The following ERI1 variants were observed in gnomAD, a reference collection of about 807,000 sequenced individuals.
The protein encoded by ERI1 is exoribonuclease 1.
ERI1 carries 39 observed loss-of-function variants against 39.7 expected under a neutral mutation model. That is an observed-to-expected ratio of 0.98 (90% CI 0.76 to 1.28). The LOEUF is 1.28. Ranked by LOEUF, ERI1 falls within the 50% of genes most tolerant of loss-of-function variation. ERI1 has a pLI of 0.00. For missense variants in ERI1, 581 were observed against 416.9 expected (o/e 1.39, Z -3.43); for synonymous variants, 204 against 149.6 (o/e 1.36, Z -2.65).
chr8:9,096,530 A>T (rs1478978706), intron 3 of ERI1, among the ~76,000 whole-genome samples: 1 of 152,098 alleles, frequency 6.6e-6, no homozygotes, highest in Non-Finnish European at 1.5e-5. Context: ...GGACTGTGAA[A>T]GGGCTCACTG....
At chr8:9,053,601 A>G (rs1798423431) in intron 3 of ERI1, among the ~76,000 whole-genome samples, 1 of 152,232 alleles carries the variant, frequency 6.6e-6, no homozygotes, top group African/African-American at 2.4e-5. Context: ...TAGTCTGTTA[A>G]TGAACCTGAA....
intron 6 of ERI1, among the ~76,000 whole-genome samples, chr8:9,026,796 T>C (rs1389573085): frequency 6.6e-6 from 1 of 152,108 alleles, no homozygotes; most frequent in Non-Finnish European, 1.5e-5. Context: ...CCAAAAAATT[T>C]CAAATCCAAA....
chr8:9,036,733 G>A (rs1797856899), downstream of ERI1, among the ~76,000 whole-genome samples: 1 of 152,042 alleles, frequency 6.6e-6, no homozygotes, highest in Admixed American at 6.6e-5. Context: ...GAGGAGCAAG[G>A]TTGTGATTTT....
At chr8:9,038,987 G>T (rs943811705) in intron 3 of ERI1, among the ~76,000 whole-genome samples, 1 of 152,128 alleles carries the variant, frequency 6.6e-6, no homozygotes, top group African/African-American at 2.4e-5. Flanking sequence ...TCATTCTTCA[G>T]CTGACAGCAT....
At chr8:9,017,050 A>G (rs1481826138) in intron 4 of ERI1, among the ~76,000 whole-genome samples, 1 of 149,720 alleles carries the variant, frequency 6.7e-6, no homozygotes, top group East Asian at 2.0e-4. Context: ...TTTTATTTTT[A>G]TTTTTTTGAG....
At position 9,062,468 on chromosome 8, in the gene ERI1, T is replaced by G. The variant is rs148860706; in HGVS notation, n.299+42004T>G. Among the ~76,000 whole-genome samples, 65 of 150,778 alleles carry G rather than the reference T, an allele frequency of 4.3e-4. 1 individual carries two copies. The East Asian group carries it at 0.01, about 24-fold the overall frequency. On this transcript the variant is annotated intron_variant and non_coding_transcript_variant, in intron 3 of 3. Transcript: ENST00000518663. The stretch of plus-strand genomic sequence containing the variant: ...AAAAAAGAGTGCAAAAAAGAATGTT[T>G]TCTAAGTTGGCACCAGAGTTGGGGA...
chr8:9,025,025 C>CAG (rs1430643524), intron 6 of ERI1, among the ~76,000 whole-genome samples: 1 of 152,116 alleles, frequency 6.6e-6, no homozygotes, highest in African/African-American at 2.4e-5. Context: ...GGATACTTTG[C>CAG]AGAAATCCAC....
At chr8:9,071,081 C>T (rs1406469793) in intron 3 of ERI1, among the ~76,000 whole-genome samples, 6 of 152,176 alleles carry the variant, frequency 3.9e-5, no homozygotes, top group African/African-American at 1.2e-4. Flanking sequence ...ACATATCTTT[C>T]TTGGCCTGTT....
At chr8:9,043,741 C>T (rs1327858998) in intron 3 of ERI1, among the ~76,000 whole-genome samples, 3 of 152,194 alleles carry the variant, frequency 2.0e-5, no homozygotes, top group African/African-American at 7.2e-5. Flanking sequence ...TCGTTGGAGA[C>T]AGGGTCTCAC....
chr8:9,058,275 G>C (rs1315855832), intron 3 of ERI1, among the ~76,000 whole-genome samples: 3 of 152,198 alleles, frequency 2.0e-5, no homozygotes, highest in Admixed American at 6.5e-5. Flanking sequence ...TGTGCGCTGA[G>C]AGAAAGGGTG....
chr8:9,067,411 T>TGG (rs1254625218), intron 3 of ERI1, among the ~76,000 whole-genome samples: 3 of 149,992 alleles, frequency 2.0e-5, no homozygotes, highest in Non-Finnish European at 2.9e-5. Flanking sequence ...TGTGTGTGTG[T>TGG]GTGTGTGTGC....
chr8:9,026,062 A>G (rs775783075), intron 6 of ERI1, among the ~76,000 whole-genome samples: 12 of 152,200 alleles, frequency 7.9e-5, no homozygotes, highest in Non-Finnish European at 1.3e-4. Context: ...AATAAGCAAT[A>G]GCTTTCTTAG....
intron 3 of ERI1, among the ~76,000 whole-genome samples, chr8:9,050,780 C>A (rs957613292): frequency 6.6e-6 from 1 of 152,126 alleles, no homozygotes; most frequent in South Asian, 2.1e-4. Flanking sequence ...TAGGTCTATC[C>A]CACCACAACT....
At chr8:9,079,615 G>A (rs1469450512) in intron 3 of ERI1, among the ~76,000 whole-genome samples, 1 of 152,200 alleles carries the variant, frequency 6.6e-6, no homozygotes, top group Admixed American at 6.5e-5. Context: ...GAGGACAGCT[G>A]CTGGGAAGAC....
downstream of ERI1, among the ~76,000 whole-genome samples, chr8:9,036,431 T>G (rs1585247926): frequency 6.6e-6 from 1 of 152,238 alleles, no homozygotes; most frequent in Non-Finnish European, 1.5e-5. Context: ...GATTATGGCT[T>G]GCTGAACACT....
chr8:9,087,435 TGA>T (rs1491288589), intron 3 of ERI1, among the ~76,000 whole-genome samples: 1,998 of 77,248 alleles, frequency 0.026, 4 homozygotes, highest in Non-Finnish European at 0.027. Flanking sequence ...TTTTTTTTTT[TGA>T]TTTTTAGTAG....
intron 5 of ERI1, among the ~76,000 whole-genome samples, chr8:9,019,647 T>G (rs1387093384): frequency 6.6e-6 from 1 of 152,190 alleles, no homozygotes; most frequent in African/African-American, 2.4e-5. Flanking sequence ...ATATGAAAAT[T>G]GTACAGAAGC....
At chr8:9,007,835 G>GTGAACATTTTTCAT (rs1816185356) in intron 1 of ERI1, 135 bp from the exon 2 acceptor site, 7 of 1,331,992 alleles carry the variant, frequency 5.3e-6, no homozygotes, top group Non-Finnish European at 7.0e-6. Flanking sequence ...AGGAGCTGCA[G>GTGAACATTTTTCAT]TGAACACTTT....
chr8:9,036,005 G>C (rs1342988660), downstream of ERI1, among the ~76,000 whole-genome samples: 1 of 152,190 alleles, frequency 6.6e-6, no homozygotes, highest in Non-Finnish European at 1.5e-5. Flanking sequence ...AAGAGAACTA[G>C]AAGTGAAGAT....
Sources: allele counts gnomAD v4.1 joint callset (sites outside exome capture counted in the v4.1 genomes callset), GRCh38; gene constraint gnomAD v4.1.1; transcripts MANE v1.5; gene names NCBI Gene and HGNC (gene_info 2026-07-23, HGNC 2026-07-21).